The following DRG2 variants were observed in gnomAD, a reference collection of about 807,000 sequenced individuals.
DRG2 encodes the protein developmentally-regulated GTP-binding protein 2.
In DRG2, 36 loss-of-function variants were observed where a neutral mutation model predicts 53.4. The observed-to-expected ratio is 0.67, with a 90% CI of 0.52 to 0.89. DRG2 has a LOEUF of 0.89. DRG2 is among the 40% of genes least tolerant of loss of function. DRG2 has a pLI of 0.00. For synonymous variants in DRG2, 167 were observed against 192.1 expected, an observed-to-expected ratio of 0.87 and a Z score of 1.08; for missense variants, 342 against 481.2, an observed-to-expected ratio of 0.71 and a Z score of 2.71.
chr17:18,106,265 G>A, intron 11 of DRG2, 168 bp from the exon 12 acceptor site: 1 of 659,854 alleles, frequency 1.5e-6, no homozygotes, highest in Non-Finnish European at 2.7e-6. Flanking sequence ...GGGTGGCTAT[G>A]TGCGAATTGA....
intron 2 of DRG2, 148 bp downstream of exon 2, chr17:18,094,121 T>C (rs956260346): frequency 1.9e-6 from 2 of 1,079,706 alleles, no homozygotes; most frequent in African/African-American, 3.2e-5. Flanking sequence ...CCCAGCCCTT[T>C]ATCATCCTAA....
chr17:18,100,774 G>A lies in DRG2; in HGVS notation c.631+115G>A. On this transcript the variant is annotated intron_variant, in intron 7 of 12. Coordinates refer to ENST00000225729, the MANE Select transcript of DRG2 (RefSeq NM_001388.5). This position sits in a 1 kb window ranked among gnomAD's most constrained non-coding sequence, Gnocchi z 4.1. Reference sequence around the variant, plus strand: ...AGGGTGGCAGCAGGTCACCCCCACTGCCCCTGCTGTCCATTCAAGTAGCCT... The same window carrying A: ...AGGGTGGCAGCAGGTCACCCCCACTACCCCTGCTGTCCATTCAAGTAGCCT... The A allele has an allele frequency of 2.0e-6, 2 of 996,716 alleles. No individual in the cohort carries two copies. The highest frequency in any genetic ancestry group is 2.8e-5 in the South Asian group (2 of 70,750). 61.7% of individuals were successfully genotyped at this position (996,716 alleles called of 1,614,324 possible). A position where few individuals can be genotyped will look rare whatever the true frequency, so the allele number is the denominator to read the frequency against.
intron 1 of DRG2, among the ~76,000 whole-genome samples, chr17:18,089,003 G>C (rs11868625): frequency 1.3e-5 from 2 of 152,198 alleles, no homozygotes; most frequent in Non-Finnish European, 2.9e-5. Context: ...CAGGCTAGTG[G>C]CTAGCCATTC....
At chr17:18,090,493 C>T (rs1262938286) in intron 1 of DRG2, among the ~76,000 whole-genome samples, 2 of 140,348 alleles carry the variant, frequency 1.4e-5, no homozygotes, top group African/African-American at 2.7e-5. Context: ...CTCGGCTCAC[C>T]GCAACCTCCG....
Position 18,100,407 on chromosome 17 carries a change from A to G in DRG2, c.512A>G (p.Asn171Ser). 1 of 1,614,194 alleles carries G rather than the reference A, an allele frequency of 6.2e-7. No individual in the cohort carries two copies. The highest frequency in any genetic ancestry group is 8.5e-7 in the Non-Finnish European group (1 of 1,180,024). Reference sequence around the variant, plus strand: ...CTGGAGTCTGTGGGCATCCGCCTCAACAAGCACAAGCCTAACATCTACTTC... The same window carrying G: ...CTGGAGTCTGTGGGCATCCGCCTCAGCAAGCACAAGCCTAACATCTACTTC... ...KELESVGIRL[N>S]KHKPNIYFKP... The change falls in exon 6 of 13, where the codon AAC becomes AGC. Residue 171 changes from asparagine to serine, a missense_variant. Physicochemically the swap from Asn to Ser is conservative, Grantham distance 46. Coordinates refer to ENST00000225729, the MANE Select transcript of DRG2 (RefSeq NM_001388.5). This position sits in a 1 kb window ranked among gnomAD's most constrained non-coding sequence, Gnocchi z 4.1.
In DRG2 at chr17:18,098,250, A is replaced by G. The variant is rs943892835; in HGVS notation, c.226-20A>G. On this transcript the variant is annotated intron_variant, in intron 2 of 12. Transcript: ENST00000225729. The surrounding 1 kb of genome is among the most constrained non-coding windows in gnomAD (Gnocchi z 4.1). ...GCCAGGGACAAGGCTCCTCAGTGCA[A>G]TGATCTCCTTTTCTCCTAGTCCACA... is the stretch of plus-strand genomic sequence containing the variant. 6 of 1,608,792 alleles carry G rather than the reference A, an allele frequency of 3.7e-6. No individual in the cohort carries two copies. Among genetic ancestry groups the G allele is most frequent in the South Asian group, 1.1e-5 (1 of 90,894 alleles).
chr17:18,094,866 C>T (rs141914638), intron 2 of DRG2, among the ~76,000 whole-genome samples: 1,550 of 136,242 alleles, frequency 0.011, 28 homozygotes, highest in African/African-American at 0.041. Flanking sequence ...CTCAGTTACT[C>T]GGGAGGCTGA....
chr17:18,094,974 C>CA (rs1165321853), intron 2 of DRG2, among the ~76,000 whole-genome samples: 12,803 of 25,258 alleles, frequency 0.51, 4,338 homozygotes, highest in South Asian at 0.72. Flanking sequence ...AACTCCATCT[C>CA]AAAAAAAAAA....
In DRG2 at chr17:18,098,278, CT is replaced by C. The variant is rs1360516908; in HGVS notation, c.236del (p.Leu79Ter). Reference sequence around the variant, plus strand: ...ATCTCCTTTTCTCCTAGTCCACATTCTTGAGTCTGATGACCTCCACGGCCAG... The same window carrying C: ...ATCTCCTTTTCTCCTAGTCCACATTCTGAGTCTGATGACCTCCACGGCCAG... ...GFPSVGKSTF[L>X]SLMTSTASEA... On this transcript the variant is annotated frameshift_variant, in exon 3 of 13. Coordinates refer to ENST00000225729, the MANE Select transcript of DRG2 (RefSeq NM_001388.5). LOFTEE classifies it high-confidence loss of function. This position sits in a 1 kb window ranked among gnomAD's most constrained non-coding sequence, Gnocchi z 4.1. 2.5e-6 allele frequency: 4 copies of C among 1,613,696 alleles called. No individual in the cohort carries two copies. Among genetic ancestry groups the C allele is most frequent in the Non-Finnish European group, 3.4e-6 (4 of 1,179,766 alleles).
chr17:18,106,081 C>A, intron 11 of DRG2: 1 of 287,214 alleles, frequency 3.5e-6, no homozygotes, highest in Non-Finnish European at 6.8e-6. Flanking sequence ...AGGGGGGACT[C>A]CAAGCTATCA....
intron 2 of DRG2, among the ~76,000 whole-genome samples, chr17:18,095,238 C>T (rs1291074442): frequency 6.6e-6 from 1 of 151,776 alleles, no homozygotes; most frequent in African/African-American, 2.4e-5. Context: ...TCTCGAACTT[C>T]TGACCTCAGG....
rs1407428380 is a variant in DRG2, at chr17:18,099,298, G to A, written c.376+221G>A. The A allele has an allele frequency of 6.4e-6, 4 of 620,650 alleles. No individual in the cohort carries two copies. The African/African-American group carries it at 7.4e-5, about 11-fold the overall frequency. The allele number at this position is 620,650 out of a possible 1,614,324, so 38.4% of individuals were successfully genotyped here. ...CCAAGCCTCAGTTTCCTCAGCTGTAGAATGGGCATAATAATACATAATTTA... is the reference window on the plus strand; with the variant it reads ...CCAAGCCTCAGTTTCCTCAGCTGTAAAATGGGCATAATAATACATAATTTA... On this transcript the variant is annotated intron_variant, in intron 4 of 12. Transcript: ENST00000225729. This position sits in a 1 kb window ranked among gnomAD's most constrained non-coding sequence, Gnocchi z 4.4.
At position 18,103,960 on chromosome 17, in the gene DRG2, G is replaced by A; in HGVS notation, c.895+71G>A. ...CTAGAAGGCTGCCAGGCCGGTGTGT[G>A]GTGCCCAGAGACCCCAGCACCGGCT... is the stretch of plus-strand genomic sequence containing the variant. On this transcript the variant is annotated intron_variant, in intron 10 of 12. Transcript: ENST00000225729. This position sits in a 1 kb window ranked among gnomAD's most constrained non-coding sequence, Gnocchi z 4.4. 2 of 1,473,266 alleles carry A rather than the reference G, an allele frequency of 1.4e-6. No individual in the cohort carries two copies. Among genetic ancestry groups the A allele is most frequent in the East Asian group, 4.5e-5 (2 of 44,228 alleles). 91.3% of individuals were successfully genotyped at this position (1,473,266 alleles called of 1,614,324 possible). A position where few individuals can be genotyped will look rare whatever the true frequency, so the allele number is the denominator to read the frequency against.
At chr17:18,090,675 C>G (rs1319996616) in intron 1 of DRG2, among the ~76,000 whole-genome samples, 4 of 151,930 alleles carry the variant, frequency 2.6e-5, no homozygotes, top group African/African-American at 9.6e-5. Flanking sequence ...GCTGGGATTA[C>G]AGGCGTGAGC....
rs1470633774 is a variant in DRG2 at position 18,090,384 on chromosome 17, ATATATATATATATATATATATAT to A, written c.64+2299_64+2321del. Among the ~76,000 whole-genome samples, 47 of 9,286 alleles carry A rather than the reference ATATATATATATATATATATATAT, an allele frequency of 5.1e-3. 1 individual carries two copies. Among genetic ancestry groups the A allele is most frequent in the African/African-American group, 0.019 (24 of 1,276 alleles). 6.1% of individuals were successfully genotyped at this position (9,286 alleles called of 152,430 possible). A position where few individuals can be genotyped will look rare whatever the true frequency, so the allele number is the denominator to read the frequency against. On this transcript the variant is annotated intron_variant, in intron 1 of 12. Transcript: ENST00000225729. ...CGGGCTAATTTATATATATATATAT[ATATATATATATATATATATATAT>A]TTTTTTTTTTTTTTTTTTTTTTTTT... is the stretch of plus-strand genomic sequence containing the variant.
chr17:18,096,325 G>A (rs1431865393), intron 2 of DRG2: 1 of 152,138 alleles, frequency 6.6e-6, no homozygotes, highest in African/African-American at 2.4e-5. Flanking sequence ...GAATTCTTCT[G>A]CATGGGAGAT....
intron 9 of DRG2, 93 bp downstream of exon 9, chr17:18,102,090 GA>G: frequency 1.3e-5 from 17 of 1,343,010 alleles, no homozygotes; most frequent in Non-Finnish European, 1.6e-5. Context: ...TGTGGAGGAG[GA>G]AAAGCCAGCA....
rs1269468404 is a variant in DRG2 at position 18,100,224 on chromosome 17, AG to A, written c.468-138del. 1 of 844,442 alleles carries A rather than the reference AG, an allele frequency of 1.2e-6. No homozygotes were observed. Among genetic ancestry groups the A allele is most frequent in the African/African-American group, 1.7e-5 (1 of 59,954 alleles). The allele number at this position is 844,442 out of a possible 1,614,324, so 52.3% of individuals were successfully genotyped here. ...CTGCAGCTCTAGGGCATTGGGAAGG[AG>A]TGTTCTCTGGGTTGCTGGGGAAGGG... On this transcript the variant is annotated intron_variant, in intron 5 of 12. Transcript: ENST00000225729. The surrounding 1 kb of genome is among the most constrained non-coding windows in gnomAD (Gnocchi z 4.1).
chr17:18,101,558 G>C lies in DRG2; in HGVS notation c.697G>C (p.Val233Leu), dbSNP rs764781709. ...CCCGGACGAGTTCATCGATGTGATC[G>C]TGGGCAACCGGGTGTACATGCCCTG... is the stretch of plus-strand genomic sequence containing the variant. ...CSPDEFIDVI[V>L]GNRVYMPCLY... is the part of the protein sequence containing the mutation. Residue 233 changes from valine to leucine, a missense_variant, in exon 8 of 13, where the codon GTG (valine) becomes CTG (leucine). By Grantham distance (32) the Val-to-Leu change is conservative. Coordinates refer to ENST00000225729, the MANE Select transcript of DRG2 (RefSeq NM_001388.5). 3.1e-6 allele frequency: 5 copies of C among 1,614,038 alleles called. No homozygotes were observed. The highest frequency in any genetic ancestry group is 1.7e-5 in the Admixed American group (1 of 60,002).
Sources: allele counts gnomAD v4.1 joint callset (sites outside exome capture counted in the v4.1 genomes callset), GRCh38; gene constraint gnomAD v4.1.1; non-coding constraint Gnocchi (gnomAD v3.1); transcripts MANE v1.5; gene names NCBI Gene and HGNC (gene_info 2026-07-23, HGNC 2026-07-21).